Variants in A2ML1 observed in about 807,000 individuals in gnomAD.
A2ML1 encodes the protein alpha-2-macroglobulin like 1.
In A2ML1, 161 loss-of-function variants were observed where a neutral mutation model predicts 181.9. The observed-to-expected ratio is 0.89, with a 90% CI of 0.78 to 1.01. The LOEUF is 1.01. Among genes scored for constraint, A2ML1 ranks in the 50% least tolerant of loss-of-function variants. The probability of loss-of-function intolerance (pLI) is 0.00; values close to 1 mark genes in which losing one functional copy is unlikely to be tolerated. For missense variants in A2ML1, 1,670 were observed against 1,768.1 expected, an observed-to-expected ratio of 0.94 and a Z score of 1.00; for synonymous variants, 663 against 666.8, an observed-to-expected ratio of 0.99 and a Z score of 0.09.
chr12:8,843,446 A>C, intron 12 of A2ML1, 85 bp downstream of exon 12: 3 of 1,292,796 alleles, frequency 2.3e-6, no homozygotes, highest in Non-Finnish European at 3.2e-6. Flanking sequence ...CACCTAGGCT[A>C]TCTGAATTGC....
At chr12:8,851,759 C>T in intron 18 of A2ML1, 25 bp from the exon 19 acceptor site, 1 of 1,611,472 alleles carries the variant, frequency 6.2e-7, no homozygotes. Context: ...ACCTCTGCCT[C>T]ATGTTGGTCC....
chr12:8,887,316 A>G (rs1466968456), downstream of A2ML1, among the ~76,000 whole-genome samples: 1 of 152,186 alleles, frequency 6.6e-6, no homozygotes, highest in East Asian at 1.9e-4. Context: ...TTAAGAAAGA[A>G]TATTAACTGC....
At chr12:8,864,040 C>A in intron 29 of A2ML1, 32 bp downstream of exon 29, 1 of 1,586,874 alleles carries the variant, frequency 6.3e-7, no homozygotes, top group South Asian at 1.1e-5. Flanking sequence ...TGCCACTTAT[C>A]AGGTAGAATT....
intron 7 of A2ML1, 63 bp from the exon 8 acceptor site, chr12:8,837,377 A>G (rs1048469994): frequency 6.3e-7 from 1 of 1,580,142 alleles, no homozygotes; most frequent in Non-Finnish European, 8.6e-7. Context: ...GTGGTGTTTG[A>G]GGGAAGAGTT....
At chr12:8,846,359 T>C (rs891473133) in intron 14 of A2ML1, 137 bp downstream of exon 14, 1 of 1,028,250 alleles carries the variant, frequency 9.7e-7, no homozygotes, top group Non-Finnish European at 1.4e-6. Flanking sequence ...TTTATATCTT[T>C]AGTGTTTGGG....
chr12:8,838,536 C>T (rs1285715200), intron 9 of A2ML1, 86 bp downstream of exon 9: 27 of 980,454 alleles, frequency 2.8e-5, no homozygotes, highest in Non-Finnish European at 3.8e-5. Context: ...GTATACAAGA[C>T]CTACCCTCTT....
At position 8,841,369 on chromosome 12, in the gene A2ML1, A is replaced by G. The variant is rs1240129654; in HGVS notation, c.1081A>G (p.Ile361Val). 6 of 1,613,582 alleles carry G rather than the reference A, an allele frequency of 3.7e-6. No homozygotes were observed. Among genetic ancestry groups the G allele is most frequent in the East Asian group, 2.2e-5 (1 of 44,892 alleles). ...ATCCGTAATGATCTTTGTCCTTCAG[A>G]TAAGAGTTAGGGGCCATGATGACTC... ...YHPNFPFSGK[I>V]RVRGHDDSFL... Residue 361 changes from isoleucine to valine, a missense_variant and splice_region_variant, in exon 11 of 36, where the codon ATA (isoleucine) becomes GTA (valine). By Grantham distance (29) the Ile-to-Val change is conservative. Transcript: ENST00000299698.
chr12:8,854,065 G>C, intron 20 of A2ML1, 63 bp from the exon 21 acceptor site: 1 of 1,460,566 alleles, frequency 6.8e-7, no homozygotes. Context: ...GATCCAAATG[G>C]GAATGGACCT....
downstream of A2ML1, chr12:8,876,829 C>A (rs1944812339): frequency 6.6e-6 from 1 of 152,122 alleles, no homozygotes; most frequent in African/African-American, 2.4e-5. Flanking sequence ...ACCAAAAGTT[C>A]TTTTAAAGGT....
At chr12:8,870,704 T>C (rs1944594589) in intron 33 of A2ML1, among the ~76,000 whole-genome samples, 1 of 152,180 alleles carries the variant, frequency 6.6e-6, no homozygotes, top group Non-Finnish European at 1.5e-5. Flanking sequence ...ACAGCCACCC[T>C]CCTTAGACAT....
At chr12:8,858,138 G>T (rs1273893417) in intron 26 of A2ML1, 36 bp downstream of exon 26, 16 of 1,601,422 alleles carry the variant, frequency 1.0e-5, no homozygotes, top group Non-Finnish European at 1.3e-5. Context: ...GCCAACCACT[G>T]TCTCGAAGGA....
rs774848519 is a variant in A2ML1 at position 8,849,691 on chromosome 12, C to T, written c.2051C>T (p.Ser684Phe). Reference sequence around the variant, plus strand: ...CAGGACGTGGGCCTGAAAATACTGTCCAATGCCAAAATCAAGAAGCCAGTA... The same window carrying T: ...CAGGACGTGGGCCTGAAAATACTGTTCAATGCCAAAATCAAGAAGCCAGTA... ...FFRDVGLKILSNAKIKKPVDC... is the reference protein window; with the variant it reads ...FFRDVGLKILFNAKIKKPVDC... The change falls in exon 17 of 36, where the codon TCC becomes TTC. Residue 684 changes from serine (S) to phenylalanine (F), a missense_variant. By Grantham distance (155) the Ser-to-Phe change is radical. Transcript: ENST00000299698. 3.1e-6 allele frequency: 5 copies of T among 1,614,150 alleles called. No homozygotes were observed. The highest frequency in any genetic ancestry group is 4.2e-6 in the Non-Finnish European group (5 of 1,180,004).
chr12:8,857,027 T>C, intron 23 of A2ML1, 137 bp from the exon 24 acceptor site: 4 of 810,336 alleles, frequency 4.9e-6, no homozygotes, highest in Non-Finnish European at 7.5e-6. Context: ...ATTACAGGCG[T>C]GAGCCACCAC....
Position 8,852,345 on chromosome 12 carries a change from G to C in A2ML1, c.2590+9G>C, listed in dbSNP as rs757259226. 1 of 1,613,976 alleles carries C rather than the reference G, an allele frequency of 6.2e-7. No homozygotes were observed. The highest frequency in any genetic ancestry group is 2.2e-5 in the East Asian group (1 of 44,884). ...CACAGCTGTCAAATTGGGTAAGAGAGGGAAGTGGTAGACGGGCGAGGAAAG... is the reference window on the plus strand; with the variant it reads ...CACAGCTGTCAAATTGGGTAAGAGACGGAAGTGGTAGACGGGCGAGGAAAG... On this transcript the variant is annotated intron_variant, in intron 20 of 35. Transcript: ENST00000299698. This position sits in a 1 kb window ranked among gnomAD's most constrained non-coding sequence, Gnocchi z 4.2.
intron 3 of A2ML1, among the ~76,000 whole-genome samples, chr12:8,825,285 A>G (rs1942893366): frequency 1.3e-5 from 2 of 152,156 alleles, no homozygotes; most frequent in Non-Finnish European, 1.5e-5. Context: ...GAAAAAAGCC[A>G]TTTTAACTGG....
At chr12:8,854,930 C>T (rs1042023478) in intron 22 of A2ML1, 99 bp downstream of exon 22, 57 of 1,333,766 alleles carry the variant, frequency 4.3e-5, no homozygotes, top group Non-Finnish European at 5.8e-5. Flanking sequence ...AGTCTCGCTC[C>T]GTCGTCCAGG....
Position 8,823,294 on chromosome 12 carries a change from A to G in A2ML1, c.175A>G (p.Lys59Glu). 2 of 1,614,164 alleles carry G rather than the reference A, an allele frequency of 1.2e-6. No homozygotes were observed. Among genetic ancestry groups the G allele is most frequent in the Non-Finnish European group, 1.7e-6 (2 of 1,180,024 alleles). ...DVKFTVTLET[K>E]DKTQKLLEYS... ...TAAATTCACGGTTACTCTGGAGACC[A>G]AGGACAAGACCCAGAAGTTGCTAGA... The change falls in exon 2 of 36, where the codon AAG (lysine) becomes GAG (glutamate). Residue 59 changes from lysine (K) to glutamate (E), a missense_variant. Lys to Glu is a moderately conservative substitution (Grantham distance 56). Transcript: ENST00000299698.
At chr12:8,861,648 C>T (rs970187144) in intron 28 of A2ML1, among the ~76,000 whole-genome samples, 8 of 151,862 alleles carry the variant, frequency 5.3e-5, no homozygotes, top group South Asian at 2.1e-4. Flanking sequence ...CCACCACGCC[C>T]GGCGAATTTT....
In A2ML1 at chr12:8,861,197, C is replaced by T; in HGVS notation, c.3402C>T (p.Leu1134=). 1 of 1,614,170 alleles carries T rather than the reference C, an allele frequency of 6.2e-7. No individual in the cohort carries two copies. The highest frequency in any genetic ancestry group is 8.5e-7 in the Non-Finnish European group (1 of 1,180,042). ...LKNSATSTTN[L]YTQALLAYIF... is the part of the protein sequence containing the mutation. ...ATTCGGCCACCTCCACGACCAACCT[C>T]TACACACAGGCCCTGTTGGCTTACA... Residue 1134 remains leucine, a synonymous_variant, in exon 28 of 36, where the codon CTC becomes CTT. Coordinates refer to ENST00000299698, the MANE Select transcript of A2ML1 (RefSeq NM_144670.6).
Sources: allele counts gnomAD v4.1 joint callset (sites outside exome capture counted in the v4.1 genomes callset), GRCh38; gene constraint gnomAD v4.1.1; non-coding constraint Gnocchi (gnomAD v3.1); transcripts MANE v1.5; gene names NCBI Gene and HGNC (gene_info 2026-07-23, HGNC 2026-07-21).